ZDHHC14: variants seen among roughly 807,000 people sequenced by gnomAD.
ZDHHC14 encodes palmitoyltransferase ZDHHC14.
Under a neutral mutation model 47.7 loss-of-function variants are expected in ZDHHC14, and 16 were observed. The ratio of observed to expected loss-of-function variants is 0.34; its 90% CI spans 0.23 to 0.51. The LOEUF (loss-of-function observed/expected upper bound fraction) is 0.51. Ranked by LOEUF, ZDHHC14 falls within the 20% of genes least tolerant of loss-of-function variation. The pLI, the probability that ZDHHC14 is intolerant of heterozygous loss-of-function variation, is 0.97. For missense variants in ZDHHC14, 515 were observed against 662.5 expected, an observed-to-expected ratio of 0.78 and a Z score of 2.44; for synonymous variants, 293 against 278.9, an observed-to-expected ratio of 1.05 and a Z score of -0.50.
chr6:157,418,700 T>G (rs1329873799), intron 1 of ZDHHC14, among the ~76,000 whole-genome samples: 1 of 152,200 alleles, frequency 6.6e-6, no homozygotes, highest in Non-Finnish European at 1.5e-5. Flanking sequence ...TCTACCCTCC[T>G]CAACCCATTC....
At chr6:157,668,226 C>T (rs1778636995) in intron 8 of ZDHHC14, among the ~76,000 whole-genome samples, 1 of 152,148 alleles carries the variant, frequency 6.6e-6, no homozygotes, top group Non-Finnish European at 1.5e-5. Context: ...AAAGCAGTCC[C>T]TCTATCAGGG....
At chr6:157,639,041 G>A (rs935569342) in intron 5 of ZDHHC14, among the ~76,000 whole-genome samples, 13 of 152,246 alleles carry the variant, frequency 8.5e-5, no homozygotes, top group African/African-American at 2.7e-4. Flanking sequence ...CAGGGTGCCC[G>A]CTTTGGCTGA....
chr6:157,640,788 C>G (rs903810055), intron 5 of ZDHHC14, among the ~76,000 whole-genome samples: 8 of 152,272 alleles, frequency 5.3e-5, no homozygotes, highest in African/African-American at 1.9e-4. Flanking sequence ...TTCAAAGCAC[C>G]CAAGTCCTAC....
At chr6:157,500,970 C>T (rs557605792) in intron 1 of ZDHHC14, among the ~76,000 whole-genome samples, 1 of 152,260 alleles carries the variant, frequency 6.6e-6, no homozygotes, top group African/African-American at 2.4e-5. Context: ...GACCCATCAT[C>T]GTGGGCACGT....
chr6:157,423,145 A>G (rs1778143911), intron 1 of ZDHHC14, among the ~76,000 whole-genome samples: 1 of 152,228 alleles, frequency 6.6e-6, no homozygotes, highest in African/African-American at 2.4e-5. Context: ...CCTTAGCTTA[A>G]TAAGGTCCCC....
chr6:157,665,322 CACTCTACCA>C (rs1244537944), intron 8 of ZDHHC14, among the ~76,000 whole-genome samples: 1 of 152,174 alleles, frequency 6.6e-6, no homozygotes, highest in African/African-American at 2.4e-5. Context: ...GTTTGCTACC[CACTCTACCA>C]ACAATAAACA....
intron 4 of ZDHHC14, chr6:157,631,558 G>A (rs1280814062): frequency 6.6e-6 from 1 of 152,142 alleles, no homozygotes; most frequent in Admixed American, 6.5e-5. Flanking sequence ...CAGGCAGAGA[G>A]GAGAGCTGTC....
chr6:157,652,741 G>C (rs779695585), intron 7 of ZDHHC14, among the ~76,000 whole-genome samples: 3 of 152,210 alleles, frequency 2.0e-5, no homozygotes, highest in Non-Finnish European at 4.4e-5. Flanking sequence ...GAGACGGCCT[G>C]CCGGTCCTTG....
chr6:157,639,660 A>T lies in ZDHHC14; in HGVS notation c.753-6077A>T, dbSNP rs138024701. Among the ~76,000 whole-genome samples, 492 of 152,276 alleles carry T rather than the reference A, an allele frequency of 3.2e-3. 3 individuals carry two copies. The highest frequency in any genetic ancestry group is 0.011 in the African/African-American group (450 of 41,548). ...AGTGGAACAGATGTTTGCAGAGGAA[A>T]GGCCCCCACGGGGGAAATCGGTGGC... On this transcript the variant is annotated intron_variant, in intron 5 of 8. Transcript: ENST00000359775.
At chr6:157,384,982 A>G (rs1777282912) in intron 1 of ZDHHC14, among the ~76,000 whole-genome samples, 2 of 152,166 alleles carry the variant, frequency 1.3e-5, no homozygotes, top group Non-Finnish European at 2.9e-5. Flanking sequence ...GAGTCTGCCT[A>G]TGTTCCCCAG....
chr6:157,579,522 C>T (rs1020286763), intron 2 of ZDHHC14, among the ~76,000 whole-genome samples: 3 of 152,138 alleles, frequency 2.0e-5, no homozygotes, highest in African/African-American at 7.2e-5. Flanking sequence ...TACCCATAAA[C>T]ATGGAATGTT....
chr6:157,456,777 G>A (rs1296712679), intron 1 of ZDHHC14, among the ~76,000 whole-genome samples: 1 of 152,120 alleles, frequency 6.6e-6, no homozygotes, highest in Non-Finnish European at 1.5e-5. Flanking sequence ...GAACCGTTCT[G>A]TTTCTGTCCA....
intron 3 of ZDHHC14, among the ~76,000 whole-genome samples, chr6:157,622,913 C>T (rs1785250426): frequency 1.3e-5 from 2 of 152,144 alleles, no homozygotes; most frequent in South Asian, 4.2e-4. Flanking sequence ...ATGCCAGGCA[C>T]TTAGGTGCCA....
Position 157,502,815 on chromosome 6 carries a change from C to T in ZDHHC14, c.246-39770C>T, listed in dbSNP as rs1055797660. ...AAGCGATTCTCCTGGCTCAGCCTCT[C>T]AAGTAGCTGGGATTACAGGTGCCCA... On this transcript the variant is annotated intron_variant, in intron 1 of 8. Coordinates refer to ENST00000359775, the MANE Select transcript of ZDHHC14 (RefSeq NM_024630.3). The surrounding 1 kb of genome is among the most constrained non-coding windows in gnomAD (Gnocchi z 4.0). 6.6e-6 allele frequency among the ~76,000 whole-genome samples: 1 copy of T among 152,152 alleles called. No homozygotes were observed. Among genetic ancestry groups the T allele is most frequent in the African/African-American group, 2.4e-5 (1 of 41,434 alleles).
intron 1 of ZDHHC14, among the ~76,000 whole-genome samples, chr6:157,520,795 T>G (rs1780884757): frequency 6.6e-6 from 1 of 152,218 alleles, no homozygotes; most frequent in Non-Finnish European, 1.5e-5. Flanking sequence ...AGAATGCTGA[T>G]AAAGAATGGC....
intron 1 of ZDHHC14, among the ~76,000 whole-genome samples, chr6:157,472,117 G>A (rs895870009): frequency 1.4e-4 from 22 of 152,118 alleles, no homozygotes; most frequent in African/African-American, 5.1e-4. Flanking sequence ...GAAGGGTCGG[G>A]GTGCTCAGGC....
chr6:157,420,048 A>T (rs1313219115), intron 1 of ZDHHC14, among the ~76,000 whole-genome samples: 3 of 152,234 alleles, frequency 2.0e-5, no homozygotes, highest in Non-Finnish European at 2.9e-5. Flanking sequence ...TGAGACATGG[A>T]GCATCTTTTC....
At chr6:157,541,642 C>T (rs2174502) in intron 1 of ZDHHC14, among the ~76,000 whole-genome samples, 60,325 of 152,024 alleles carry the variant, frequency 0.4, 12,132 homozygotes, top group Admixed American at 0.45. Context: ...TTTAATGTGG[C>T]GACAATGGAC....
intron 1 of ZDHHC14, among the ~76,000 whole-genome samples, chr6:157,495,846 A>G (rs918522525): frequency 6.6e-6 from 1 of 151,872 alleles, no homozygotes; most frequent in African/African-American, 2.4e-5. Context: ...CTGGGACTAC[A>G]GGCATGCGCC....
Sources: gnomAD v4.1 joint callset for allele counts (sites outside exome capture counted in the v4.1 genomes callset) on GRCh38, gnomAD v4.1.1 for gene constraint, Gnocchi (gnomAD v3.1) non-coding constraint, MANE v1.5 for transcripts, NCBI Gene and HGNC (gene_info 2026-07-23, HGNC 2026-07-21) for gene names.